Variants in MYO16 observed in about 807,000 individuals in gnomAD.
The protein encoded by MYO16 is myosin XVI.
A neutral mutation model predicts 205.3 loss-of-function variants in MYO16; 94 were observed. The observed-to-expected ratio is 0.46, with a 90% CI of 0.39 to 0.54. MYO16 has a LOEUF of 0.54. Ranked by LOEUF, MYO16 falls within the 20% of genes least tolerant of loss-of-function variation. The pLI, the probability that MYO16 is intolerant of heterozygous loss-of-function variation, is 0.00. For synonymous variants in MYO16, 988 were observed against 954.0 expected, an observed-to-expected ratio of 1.04 and a Z score of -0.66; for missense variants, 2,315 against 2,387.5, an observed-to-expected ratio of 0.97 and a Z score of 0.63.
intron 9 of MYO16, among the ~76,000 whole-genome samples, chr13:108,824,425 A>C (rs1006668187): frequency 1.3e-5 from 2 of 152,068 alleles, no homozygotes; most frequent in Non-Finnish European, 2.9e-5. Flanking sequence ...AACCCCTCTA[A>C]AACAGATCTC....
At chr13:108,795,938 G>A (rs1363522226) in intron 6 of MYO16, among the ~76,000 whole-genome samples, 1 of 152,214 alleles carries the variant, frequency 6.6e-6, no homozygotes, top group Middle Eastern at 3.2e-3. Flanking sequence ...TCAAAGAAGA[G>A]ACAGCACAGT....
At chr13:108,759,897 G>A (rs1447621037) in intron 4 of MYO16, among the ~76,000 whole-genome samples, 1 of 151,970 alleles carries the variant, frequency 6.6e-6, no homozygotes, top group Admixed American at 6.6e-5. Context: ...AAACAGTATG[G>A]AAATAATTTG....
At chr13:109,022,168 AATAT>A (rs1301529948) in intron 23 of MYO16, among the ~76,000 whole-genome samples, 1 of 133,268 alleles carries the variant, frequency 7.5e-6, no homozygotes, top group East Asian at 2.1e-4. Flanking sequence ...TATATATACA[AATAT>A]ATATTTATAT....
chr13:109,100,917 A>G (rs764982967), intron 28 of MYO16, 30 bp downstream of exon 28: 1 of 1,570,786 alleles, frequency 6.4e-7, no homozygotes, highest in South Asian at 1.1e-5. Context: ...TGAAAATAAC[A>G]TTTTAGGATT....
At chr13:109,105,479 A>G (rs531668008) in intron 28 of MYO16, among the ~76,000 whole-genome samples, 29 of 152,366 alleles carry the variant, frequency 1.9e-4, no homozygotes, top group African/African-American at 6.7e-4. Context: ...TCTCAAAACA[A>G]ACAAACAAAA....
At chr13:109,139,541 C>T (rs959228415) in intron 31 of MYO16, among the ~76,000 whole-genome samples, 1 of 152,204 alleles carries the variant, frequency 6.6e-6, no homozygotes, top group Admixed American at 6.5e-5. Flanking sequence ...ACAGACAAAA[C>T]TCCTCAGACA....
At chr13:108,576,699 T>C in the MYO16 span, among the ~76,000 whole-genome samples, 2 of 152,216 alleles carry the variant, frequency 1.3e-5, no homozygotes, top group Admixed American at 6.5e-5. Context: ...TTTAATAATT[T>C]TAGGGGCATT....
chr13:108,595,090 ACT>A (rs1242499273), upstream of MYO16, among the ~76,000 whole-genome samples: 2 of 152,078 alleles, frequency 1.3e-5, no homozygotes, highest in Admixed American at 6.5e-5. Flanking sequence ...GGGTATTTTG[ACT>A]CTCTGAACTC....
At chr13:108,577,295 G>A in the MYO16 span, among the ~76,000 whole-genome samples, 12,603 of 152,162 alleles carry the variant, frequency 0.083, 630 homozygotes, top group African/African-American at 0.12. Context: ...GCTAAAGGCT[G>A]GATTCTCGAG....
chr13:108,897,508 G>A (rs1318100356), intron 14 of MYO16, among the ~76,000 whole-genome samples: 2 of 152,178 alleles, frequency 1.3e-5, no homozygotes, highest in Non-Finnish European at 2.9e-5. Flanking sequence ...CACGGTACAG[G>A]GAGGATAAAT....
At chr13:108,955,509 C>A (rs1458366939) in intron 16 of MYO16, among the ~76,000 whole-genome samples, 2 of 152,176 alleles carry the variant, frequency 1.3e-5, no homozygotes, top group African/African-American at 4.8e-5. Context: ...GTCAAGGGCA[C>A]AATTTCCTGG....
chr13:108,759,642 A>C lies in MYO16; in HGVS notation c.508-25993A>C, dbSNP rs191138798. Among the ~76,000 whole-genome samples the C allele has an allele frequency of 2.9e-3, 442 of 152,212 alleles. 2 individuals carry two copies. The highest frequency in any genetic ancestry group is 9.9e-3 in the African/African-American group (413 of 41,536). On this transcript the variant is annotated intron_variant, in intron 4 of 34. Transcript: ENST00000457511. The stretch of plus-strand genomic sequence containing the variant: ...TGAGACCATCCTGGCTAACACGGTG[A>C]AACCCCGTCTCTACTAAAAATACAA...
chr13:109,173,998 C>T (rs1360193017), intron 33 of MYO16, among the ~76,000 whole-genome samples: 2 of 145,886 alleles, frequency 1.4e-5, no homozygotes, highest in Non-Finnish European at 3.0e-5. Context: ...ATTGTACTAT[C>T]CAGGGTGAAC....
intron 12 of MYO16, among the ~76,000 whole-genome samples, chr13:108,868,362 G>T (rs999244754): frequency 3.3e-5 from 5 of 152,040 alleles, no homozygotes; most frequent in African/African-American, 1.2e-4. Flanking sequence ...TCTAATTTGT[G>T]TTTCTCTGAC....
intron 32 of MYO16, among the ~76,000 whole-genome samples, chr13:109,146,708 G>C (rs1330321421): frequency 6.6e-6 from 1 of 152,100 alleles, no homozygotes; most frequent in African/African-American, 2.4e-5. Context: ...GAGGTGGGCA[G>C]ATCGCTTGAG....
chr13:108,793,639 T>A lies in MYO16; in HGVS notation c.740T>A (p.Leu247Gln). 6.2e-7 allele frequency: 1 copy of A among 1,612,780 alleles called. No individual in the cohort carries two copies. Among genetic ancestry groups the A allele is most frequent in the Non-Finnish European group, 8.5e-7 (1 of 1,179,196 alleles). The change falls in exon 6 of 35, where the codon CTG becomes CAG. Residue 247 changes from leucine to glutamine, a missense_variant and splice_region_variant. By Grantham distance (113) the Leu-to-Gln change is moderately radical. Coordinates refer to ENST00000457511, the MANE Select transcript of MYO16 (RefSeq NM_001198950.3). ...VNEKNDEGVT[L>Q]LHMACASGYK... ...GAGAAAAACGATGAAGGAGTAACCC[T>A]GGTAAGTTCATATATTTGACTCAGA...
chr13:108,958,088 C>G (rs1883445326), intron 17 of MYO16, among the ~76,000 whole-genome samples: 1 of 150,406 alleles, frequency 6.6e-6, no homozygotes, highest in Non-Finnish European at 1.5e-5. Context: ...AGAGGGTGGA[C>G]AAGGAGCCCT....
At chr13:108,847,168 A>G (rs918524088) in intron 10 of MYO16, among the ~76,000 whole-genome samples, 46 of 152,222 alleles carry the variant, frequency 3.0e-4, no homozygotes, top group African/African-American at 7.2e-5. Flanking sequence ...TTCTTCAAAT[A>G]TAAGACATTC....
intron 1 of MYO16, among the ~76,000 whole-genome samples, chr13:108,663,136 C>T (rs908745683): frequency 6.6e-6 from 1 of 152,178 alleles, no homozygotes; most frequent in African/African-American, 2.4e-5. Flanking sequence ...CAGTCCTCTT[C>T]TTTCAGAGGA....
Sources: allele counts gnomAD v4.1 joint callset (sites outside exome capture counted in the v4.1 genomes callset), GRCh38; gene constraint gnomAD v4.1.1; transcripts MANE v1.5; gene names NCBI Gene and HGNC (gene_info 2026-07-23, HGNC 2026-07-21).